Variants in ENO2 observed in about 807,000 individuals in gnomAD.
ENO2 encodes the protein enolase 2.
Under a neutral mutation model 48.7 loss-of-function variants are expected in ENO2, and 19 were observed. That is an observed-to-expected ratio of 0.39 (90% CI 0.27 to 0.57). The LOEUF (loss-of-function observed/expected upper bound fraction) is 0.57. Among genes scored for constraint, ENO2 ranks in the 20% least tolerant of loss-of-function variants. ENO2 has a pLI of 0.58. For missense variants in ENO2, 416 were observed against 555.0 expected, an observed-to-expected ratio of 0.75 and a Z score of 2.52; for synonymous variants, 198 against 213.4, an observed-to-expected ratio of 0.93 and a Z score of 0.63.
At chr12:6,919,495 C>T (rs538696041) in intron 7 of ENO2, 71 bp from the exon 8 acceptor site, 2 of 1,561,176 alleles carry the variant, frequency 1.3e-6, no homozygotes, top group Non-Finnish European at 1.8e-6. Context: ...CCCTGAATGT[C>T]TTTTCTTTCC....
intron 1 of ENO2, 82 bp from the exon 2 acceptor site, chr12:6,915,739 G>C: frequency 4.7e-6 from 3 of 643,834 alleles, no homozygotes; most frequent in South Asian, 2.8e-5. Flanking sequence ...ATCCCTCCCA[G>C]CCTCCCGCCC....
Position 6,922,580 on chromosome 12 carries a change from G to T in ENO2, c.1236-151G>T. 7 of 1,240,004 alleles carry T rather than the reference G, an allele frequency of 5.6e-6. No individual in the cohort carries two copies. The highest frequency in any genetic ancestry group is 8.2e-6 in the Non-Finnish European group (7 of 855,448). The allele number at this position is 1,240,004 out of a possible 1,614,324, so 76.8% of individuals were successfully genotyped here. On this transcript the variant is annotated intron_variant, in intron 11 of 11. Transcript: ENST00000229277. The surrounding 1 kb of genome is among the most constrained non-coding windows in gnomAD (Gnocchi z 5.3). ...GATGGCCTGATTGACAAATCCCAGAGATCACATGGGAAAGCCAGGGAATGC... is the reference window on the plus strand; with the variant it reads ...GATGGCCTGATTGACAAATCCCAGATATCACATGGGAAAGCCAGGGAATGC...
chr12:6,921,569 C>T lies in ENO2; in HGVS notation c.866-12C>T, dbSNP rs782304090. The T allele has an allele frequency of 6.2e-7, 1 of 1,613,996 alleles. No individual in the cohort carries two copies. The highest frequency in any genetic ancestry group is 1.1e-5 in the South Asian group (1 of 91,072). On this transcript the variant is annotated splice_polypyrimidine_tract_variant and intron_variant, in intron 8 of 11. Transcript: ENST00000229277. ...GAACACCTCCCCCCTCCCCACCATG[C>T]TCTCTCTGCAGTGGTCTCCATTGAG...
At chr12:6,917,914 C>A (rs1555141795) in intron 6 of ENO2, 26 bp from the exon 7 acceptor site, 1 of 1,612,546 alleles carries the variant, frequency 6.2e-7, no homozygotes, top group East Asian at 2.2e-5. Context: ...GCTCTTTGAC[C>A]CTTCTGTCTT....
At position 6,922,299 on chromosome 12, in the gene ENO2, G is replaced by C; in HGVS notation, c.1177-45G>C. ...GGAGAGCAGAAGTTTCCTTTCAGGG[G>C]TGAGAGGGCAGTCACTGAGCTGCAA... On this transcript the variant is annotated intron_variant, in intron 10 of 11. Transcript: ENST00000229277. The surrounding 1 kb of genome is among the most constrained non-coding windows in gnomAD (Gnocchi z 5.3). 1 of 1,613,828 alleles carries C rather than the reference G, an allele frequency of 6.2e-7. No individual in the cohort carries two copies. Among genetic ancestry groups the C allele is most frequent in the Non-Finnish European group, 8.5e-7 (1 of 1,179,700 alleles).
chr12:6,917,594 C>T lies in ENO2; in HGVS notation c.324C>T (p.Ala108=), dbSNP rs1945303011. ...DGTENKSKFG[A]NAILGVSLAV... ...ATAATCTCCTAGCCAAGTTTGGGGC[C>T]AATGCCATCCTGGGTGTGTCTCTGG... Residue 108 remains alanine, a synonymous_variant, in exon 6 of 12, where the codon GCC becomes GCT. Transcript: ENST00000229277. 4.3e-6 allele frequency: 7 copies of T among 1,613,062 alleles called. No homozygotes were observed. The highest frequency in any genetic ancestry group is 5.9e-6 in the Non-Finnish European group (7 of 1,179,460).
Position 6,919,732 on chromosome 12 carries a change from A to C in ENO2, c.834A>C (p.Ala278=). The change falls in exon 8 of 12, where the codon GCA becomes GCC. Residue 278 remains alanine, a synonymous_variant. Transcript: ENST00000229277. ...SRYITGDQLG[A]LYQDFVRDYP... ...ACATCACTGGGGACCAGCTGGGGGC[A>C]CTCTACCAGGACTTTGTCAGGGACT... 6.2e-7 allele frequency: 1 copy of C among 1,613,674 alleles called. No homozygotes were observed. Among genetic ancestry groups the C allele is most frequent in the Non-Finnish European group, 8.5e-7 (1 of 1,179,970 alleles).
Position 6,922,092 on chromosome 12 carries a change from G to A in ENO2, c.1104G>A (p.Met368Ile). Residue 368 changes from methionine to isoleucine, a missense_variant, in exon 10 of 12, where the codon ATG (methionine) becomes ATA (isoleucine). Transcript: ENST00000229277. The surrounding 1 kb of genome is among the most constrained non-coding windows in gnomAD (Gnocchi z 5.3). ...CCCAGGAGAATGGCTGGGGGGTCAT[G>A]GTGAGTCATCGCTCAGGAGAGACTG... Reference protein sequence around the residue: ...KLAQENGWGVMVSHRSGETED... With the variant: ...KLAQENGWGVIVSHRSGETED... The A allele has an allele frequency of 6.2e-7, 1 of 1,614,180 alleles. No homozygotes were observed.
intron 7 of ENO2, 32 bp from the exon 8 acceptor site, chr12:6,919,534 T>G (rs782305275): frequency 5.0e-6 from 8 of 1,611,928 alleles, no homozygotes; most frequent in Non-Finnish European, 6.8e-6. Context: ...CCCTCCTGCT[T>G]GTACTATAAT....
chr12:6,917,055 G>T lies in ENO2; in HGVS notation c.258G>T (p.Glu86Asp), dbSNP rs1945298029. Residue 86 changes from glutamate (E) to aspartate (D), a missense_variant, in exon 5 of 12, where the codon GAG (glutamate) becomes GAT (aspartate). Coordinates refer to ENST00000229277, the MANE Select transcript of ENO2 (RefSeq NM_001975.3). Reference protein sequence around the residue: ...ALISSGLSVVEQEKLDNLMLE... With the variant: ...ALISSGLSVVDQEKLDNLMLE... ...GCCCTCAGGGTCTCTCTGTGGTGGA[G>T]CAAGAGAAACTGGACAACCTGATGC... is the stretch of plus-strand genomic sequence containing the variant. The T allele has an allele frequency of 3.1e-6, 5 of 1,614,206 alleles. No individual in the cohort carries two copies. Among genetic ancestry groups the T allele is most frequent in the Non-Finnish European group, 4.2e-6 (5 of 1,180,034 alleles).
intron 8 of ENO2, 130 bp from the exon 9 acceptor site, chr12:6,921,451 A>C (rs973121352): frequency 6.8e-6 from 6 of 878,128 alleles, no homozygotes; most frequent in Non-Finnish European, 7.3e-6. Flanking sequence ...GATTTGTCTT[A>C]GCAAGGATGA....
At position 6,916,916 on chromosome 12, in the gene ENO2, C is replaced by A; in HGVS notation, c.241-122C>A. On this transcript the variant is annotated intron_variant, in intron 4 of 11. Coordinates refer to ENST00000229277, the MANE Select transcript of ENO2 (RefSeq NM_001975.3). This position sits in a 1 kb window ranked among gnomAD's most constrained non-coding sequence, Gnocchi z 4.5. ...GTTCAGGTCCCCTAATCCAGGTAGG[C>A]CCCTGTCACAGGGACCTGGTTGGAC... 1 of 1,439,930 alleles carries A rather than the reference C, an allele frequency of 6.9e-7. No homozygotes were observed. Among genetic ancestry groups the A allele is most frequent in the Non-Finnish European group, 9.6e-7 (1 of 1,037,482 alleles). The allele number at this position is 1,439,930 out of a possible 1,614,324, so 89.2% of individuals were successfully genotyped here. A position where few individuals can be genotyped will look rare whatever the true frequency, so the allele number is the denominator to read the frequency against.
Position 6,916,760 on chromosome 12 carries a change from G to A in ENO2, c.240+31G>A. On this transcript the variant is annotated intron_variant, in intron 4 of 11. Coordinates refer to ENST00000229277, the MANE Select transcript of ENO2 (RefSeq NM_001975.3). The surrounding 1 kb of genome is among the most constrained non-coding windows in gnomAD (Gnocchi z 4.5). ...GCCTGCTCTTTGCTGGGGATAGCAG[G>A]GCCAGAGTTCTGGAAGGAATCCCGG... is the stretch of plus-strand genomic sequence containing the variant. The A allele has an allele frequency of 6.2e-7, 1 of 1,613,502 alleles. No homozygotes were observed. Among genetic ancestry groups the A allele is most frequent in the Non-Finnish European group, 8.5e-7 (1 of 1,179,636 alleles).
In ENO2 at chr12:6,921,641, C is replaced by T; in HGVS notation, c.926C>T (p.Ala309Val). 6.2e-7 allele frequency: 1 copy of T among 1,614,110 alleles called. No homozygotes were observed. Among genetic ancestry groups the T allele is most frequent in the Non-Finnish European group, 8.5e-7 (1 of 1,180,026 alleles). Residue 309 changes from alanine to valine, a missense_variant, in exon 9 of 12, where the codon GCC becomes GTC. Transcript: ENST00000229277. ...DDWAAWSKFT[A>V]NVGIQIVGDD... ...TGGGCTGCCTGGTCCAAGTTCACAG[C>T]CAATGTAGGGATCCAGATTGTGGGT...
chr12:6,920,524 C>T (rs1306673960), intron 8 of ENO2, among the ~76,000 whole-genome samples: 2 of 151,704 alleles, frequency 1.3e-5, no homozygotes, highest in South Asian at 2.1e-4. Flanking sequence ...CTCAGCCTCC[C>T]GAATAGCTGG....
intron 8 of ENO2, 56 bp downstream of exon 8, chr12:6,919,819 C>G: frequency 6.3e-7 from 1 of 1,580,776 alleles, no homozygotes; most frequent in East Asian, 2.3e-5. Flanking sequence ...CGTGTCCCAG[C>G]AACTCTGGAC....
chr12:6,916,575 A>C lies in ENO2; in HGVS notation c.181+63A>C. On this transcript the variant is annotated intron_variant, in intron 3 of 11. Coordinates refer to ENST00000229277, the MANE Select transcript of ENO2 (RefSeq NM_001975.3). The surrounding 1 kb of genome is among the most constrained non-coding windows in gnomAD (Gnocchi z 4.5). ...CAGCCTTATGCCCCTACCTCACACC[A>C]GTCCCCAGTCCTCCTCTAGCATGGC... The C allele has an allele frequency of 6.2e-7, 1 of 1,610,858 alleles. No homozygotes were observed. The highest frequency in any genetic ancestry group is 8.5e-7 in the Non-Finnish European group (1 of 1,177,424).
intron 5 of ENO2, 38 bp downstream of exon 5, chr12:6,917,145 G>T (rs781958410): frequency 6.2e-7 from 1 of 1,612,242 alleles, no homozygotes; most frequent in Non-Finnish European, 8.5e-7. Context: ...AAGCGTCAGG[G>T]TGGGGAGGCG....
chr12:6,916,921 G>A lies in ENO2; in HGVS notation c.241-117G>A, dbSNP rs1945296868. Reference sequence around the variant, plus strand: ...GGTCCCCTAATCCAGGTAGGCCCCTGTCACAGGGACCTGGTTGGACCCTGG... The same window carrying A: ...GGTCCCCTAATCCAGGTAGGCCCCTATCACAGGGACCTGGTTGGACCCTGG... On this transcript the variant is annotated intron_variant, in intron 4 of 11. Coordinates refer to ENST00000229277, the MANE Select transcript of ENO2 (RefSeq NM_001975.3). The surrounding 1 kb of genome is among the most constrained non-coding windows in gnomAD (Gnocchi z 4.5). The A allele has an allele frequency of 1.3e-6, 2 of 1,489,070 alleles. No individual in the cohort carries two copies. The highest frequency in any genetic ancestry group is 1.2e-5 in the South Asian group (1 of 86,454). The allele number at this position is 1,489,070 out of a possible 1,614,324, so 92.2% of individuals were successfully genotyped here. A position where few individuals can be genotyped will look rare whatever the true frequency, so the allele number is the denominator to read the frequency against.
Sources: allele counts gnomAD v4.1 joint callset (sites outside exome capture counted in the v4.1 genomes callset), GRCh38; gene constraint gnomAD v4.1.1; non-coding constraint Gnocchi (gnomAD v3.1); transcripts MANE v1.5; gene names NCBI Gene and HGNC (gene_info 2026-07-23, HGNC 2026-07-21).